CPNE4: variants seen among roughly 807,000 people sequenced by gnomAD.
The protein encoded by CPNE4 is copine 4.
In CPNE4, 25 loss-of-function variants were observed where a neutral mutation model predicts 67.9. The ratio of observed to expected loss-of-function variants is 0.37; its 90% CI spans 0.27 to 0.51. The LOEUF (loss-of-function observed/expected upper bound fraction) is 0.51. CPNE4 is among the 20% of genes least tolerant of loss of function. CPNE4 has a pLI of 0.93. For synonymous variants in CPNE4, 242 were observed against 244.9 expected, an observed-to-expected ratio of 0.99 and a Z score of 0.11; for missense variants, 464 against 690.8, an observed-to-expected ratio of 0.67 and a Z score of 3.68.
chr3:131,590,095 C>T (rs9870963), intron 7 of CPNE4, among the ~76,000 whole-genome samples: 1,642 of 152,306 alleles, frequency 0.011, 7 homozygotes, highest in Non-Finnish European at 0.019. Context: ...ATATACGTCA[C>T]CCTTCCATTC....
intron 2 of CPNE4, among the ~76,000 whole-genome samples, chr3:131,900,423 G>T (rs759410620): frequency 3.9e-5 from 6 of 152,040 alleles, no homozygotes; most frequent in Non-Finnish European, 7.4e-5. Context: ...CACCACTATG[G>T]CATGATTTAT....
intron 2 of CPNE4, among the ~76,000 whole-genome samples, chr3:131,732,840 C>T (rs933968953): frequency 2.0e-5 from 3 of 152,196 alleles, no homozygotes; most frequent in Non-Finnish European, 4.4e-5. Flanking sequence ...TGTGTCCATT[C>T]TGATGGTTCA....
At chr3:131,564,596 G>A (rs958950227) in intron 10 of CPNE4, among the ~76,000 whole-genome samples, 1 of 151,982 alleles carries the variant, frequency 6.6e-6, no homozygotes, top group African/African-American at 2.4e-5. Context: ...ATAGGAACTT[G>A]AGATTGACAT....
At chr3:131,997,646 A>G (rs1430263469) in intron 1 of CPNE4, among the ~76,000 whole-genome samples, 1 of 152,168 alleles carries the variant, frequency 6.6e-6, no homozygotes, top group Non-Finnish European at 1.5e-5. Context: ...CTTTTGTTGT[A>G]GTCAAGAACC....
At chr3:131,930,627 A>G (rs943379096) in intron 1 of CPNE4, among the ~76,000 whole-genome samples, 1 of 152,048 alleles carries the variant, frequency 6.6e-6, no homozygotes, top group African/African-American at 2.4e-5. Context: ...TAATCCTATT[A>G]AGCGCTTAGT....
chr3:131,862,577 G>T (rs1286819304), intron 2 of CPNE4, among the ~76,000 whole-genome samples: 1 of 151,858 alleles, frequency 6.6e-6, no homozygotes, highest in Non-Finnish European at 1.5e-5. Flanking sequence ...AAATATAAAT[G>T]GTTTCCTGAA....
At chr3:131,630,512 C>T (rs1238503517) in intron 7 of CPNE4, among the ~76,000 whole-genome samples, 3 of 152,178 alleles carry the variant, frequency 2.0e-5, no homozygotes, top group African/African-American at 7.2e-5. Flanking sequence ...AAAGTTAAAT[C>T]CTTCCTTTAA....
intron 2 of CPNE4, among the ~76,000 whole-genome samples, chr3:131,731,329 A>T (rs773241016): frequency 6.6e-6 from 1 of 152,168 alleles, no homozygotes; most frequent in South Asian, 2.1e-4. Flanking sequence ...AAGTAAATGA[A>T]ATGAGTATCC....
chr3:131,946,465 G>A (rs2071555011), intron 1 of CPNE4, among the ~76,000 whole-genome samples: 2 of 151,962 alleles, frequency 1.3e-5, no homozygotes, highest in South Asian at 4.1e-4. Context: ...TTTGGCTATT[G>A]TGAATAGTGC....
At chr3:131,847,705 A>G (rs1032653954) in intron 2 of CPNE4, among the ~76,000 whole-genome samples, 1 of 152,128 alleles carries the variant, frequency 6.6e-6, no homozygotes, top group African/African-American at 2.4e-5. Flanking sequence ...TCAAGCATCA[A>G]ATTCCTTGTC....
intron 2 of CPNE4, among the ~76,000 whole-genome samples, chr3:131,783,257 C>G (rs1341493615): frequency 6.6e-6 from 1 of 152,124 alleles, no homozygotes; most frequent in Non-Finnish European, 1.5e-5. Context: ...CTTACAATAT[C>G]ATATCTGATC....
intron 2 of CPNE4, among the ~76,000 whole-genome samples, chr3:131,883,931 T>C (rs2087779088): frequency 6.6e-6 from 1 of 152,250 alleles, no homozygotes; most frequent in Non-Finnish European, 1.5e-5. Context: ...TATATACAAA[T>C]GGCTCACTGC....
chr3:131,960,861 T>C (rs574199300), intron 1 of CPNE4, among the ~76,000 whole-genome samples: 22 of 152,162 alleles, frequency 1.4e-4, no homozygotes, highest in Non-Finnish European at 2.5e-4. Flanking sequence ...CTCAAGGAGA[T>C]AGATTTGAGG....
chr3:131,952,075 G>A (rs1318223292), intron 1 of CPNE4, among the ~76,000 whole-genome samples: 7 of 149,538 alleles, frequency 4.7e-5, no homozygotes, highest in Admixed American at 3.3e-4. Flanking sequence ...TCTGGAAAGT[G>A]AGGAGCGTCT....
At chr3:131,868,510 C>A (rs778196034) in intron 2 of CPNE4, among the ~76,000 whole-genome samples, 15 of 152,222 alleles carry the variant, frequency 9.9e-5, no homozygotes, top group Non-Finnish European at 2.2e-4. Flanking sequence ...CTCTGGAATT[C>A]TTTAATATGT....
chr3:131,915,124 C>T (rs554000766), intron 1 of CPNE4, among the ~76,000 whole-genome samples: 297 of 152,290 alleles, frequency 2.0e-3, no homozygotes, highest in African/African-American at 6.7e-3. Flanking sequence ...GGTTAAATAA[C>T]TTATCCCAAT....
intron 2 of CPNE4, among the ~76,000 whole-genome samples, chr3:131,860,987 A>C (rs1364909217): frequency 1.3e-5 from 2 of 152,184 alleles, no homozygotes. Context: ...TGCTTCTGTC[A>C]TCACTGACTT....
Position 131,905,432 on chromosome 3 carries a change from C to A in CPNE4, c.12G>T (p.Met4Ile). Reference protein sequence around the residue: MKKMSNIYESAANT... With the variant: MKKISNIYESAANT... Reference sequence around the variant, plus strand: ...TGGCAGCGGACTCATAAATGTTGCTCATCTTCTTCATTCTGTTTTAGGCAA... The same window carrying A: ...TGGCAGCGGACTCATAAATGTTGCTAATCTTCTTCATTCTGTTTTAGGCAA... The change falls in exon 2 of 16, where the codon ATG (methionine) becomes ATT (isoleucine). Residue 4 changes from methionine (M) to isoleucine (I), a missense_variant. Transcript: ENST00000429747. 1 of 1,612,458 alleles carries A rather than the reference C, an allele frequency of 6.2e-7. No homozygotes were observed. The highest frequency in any genetic ancestry group is 8.5e-7 in the Non-Finnish European group (1 of 1,179,272).
At chr3:131,987,387 A>ATTTTT (rs552601179) in intron 1 of CPNE4, among the ~76,000 whole-genome samples, 2 of 143,652 alleles carry the variant, frequency 1.4e-5, no homozygotes, top group Admixed American at 6.9e-5. Flanking sequence ...AGTTGTACAG[A>ATTTTT]TTTTTTTTTT....
Sources: allele counts gnomAD v4.1 joint callset (sites outside exome capture counted in the v4.1 genomes callset), GRCh38; gene constraint gnomAD v4.1.1; transcripts MANE v1.5; gene names NCBI Gene and HGNC (gene_info 2026-07-23, HGNC 2026-07-21).